MME: variants seen among roughly 807,000 people sequenced by gnomAD.
MME encodes neprilysin.
Under a neutral mutation model 113.2 loss-of-function variants are expected in MME, and 98 were observed. The ratio of observed to expected loss-of-function variants is 0.87; its 90% CI spans 0.74 to 1.02. The LOEUF is 1.02. MME is among the 50% of genes least tolerant of loss of function. MME has a pLI of 0.00. For synonymous variants in MME, 292 were observed against 300.6 expected (o/e 0.97, Z 0.30); for missense variants, 836 against 896.0 (o/e 0.93, Z 0.86).
At chr3:155,170,077 A>G (rs1407927161) in intron 20 of MME, among the ~76,000 whole-genome samples, 1 of 152,100 alleles carries the variant, frequency 6.6e-6, no homozygotes. Context: ...ATGGAGTCTC[A>G]TTCTGTCGCC....
At chr3:155,081,743 T>A (rs189019121) in intron 1 of MME, 1 of 152,250 alleles carries the variant, frequency 6.6e-6, no homozygotes, top group Non-Finnish European at 1.5e-5. Context: ...AGATTCCAGA[T>A]ACTGTCCCCT....
At chr3:155,133,924 A>G (rs529653783) in intron 8 of MME, among the ~76,000 whole-genome samples, 3 of 151,048 alleles carry the variant, frequency 2.0e-5, no homozygotes, top group African/African-American at 4.9e-5. Context: ...ATTGATTTAT[A>G]TGCTTTGGGA....
intron 10 of MME, among the ~76,000 whole-genome samples, 173 bp from the exon 11 acceptor site, chr3:155,141,818 C>T (rs1721111410): frequency 6.6e-6 from 1 of 152,028 alleles, no homozygotes; most frequent in Non-Finnish European, 1.5e-5. Flanking sequence ...CTTAATTATG[C>T]TAGGTAAATA....
chr3:155,060,562 A>G (rs1478060236), intron 1 of MME, among the ~76,000 whole-genome samples: 1 of 152,056 alleles, frequency 6.6e-6, no homozygotes, highest in Non-Finnish European at 1.5e-5. Flanking sequence ...TGATGATACC[A>G]AGAAGGAGCA....
intron 1 of MME, among the ~76,000 whole-genome samples, chr3:155,070,544 G>A (rs1714517268): frequency 6.6e-6 from 1 of 151,994 alleles, no homozygotes; most frequent in African/African-American, 2.4e-5. Context: ...AGAATGATGG[G>A]GTTCAAGATA....
chr3:155,091,768 G>A (rs1436143162), intron 3 of MME, among the ~76,000 whole-genome samples: 1 of 152,170 alleles, frequency 6.6e-6, no homozygotes, highest in Non-Finnish European at 1.5e-5. Flanking sequence ...ACCATAAGGA[G>A]AATGTTGCAC....
chr3:155,059,164 A>C (rs1444017044), intron 1 of MME, among the ~76,000 whole-genome samples: 2 of 149,642 alleles, frequency 1.3e-5, no homozygotes, highest in African/African-American at 4.9e-5. Context: ...CTGAGGCTGG[A>C]GAATCGCTTG....
chr3:155,044,117 TC>T (rs1457112704), intron 1 of MME, among the ~76,000 whole-genome samples: 2 of 148,176 alleles, frequency 1.3e-5, no homozygotes, highest in African/African-American at 4.9e-5. Flanking sequence ...AATATTTTCT[TC>T]CTTTTTCTTT....
intron 22 of MME, among the ~76,000 whole-genome samples, chr3:155,179,725 C>CTGTGT (rs1712894904): frequency 6.6e-6 from 1 of 152,188 alleles, no homozygotes; most frequent in African/African-American, 2.4e-5. Context: ...GTGAGTTGGA[C>CTGTGT]TGTGTTGTTT....
At position 155,182,671 on chromosome 3, in the gene MME, G is replaced by C. The variant is rs1713211508; in HGVS notation, c.*2212G>C. On this transcript the variant is annotated 3_prime_UTR_variant, in exon 23 of 23. Transcript: ENST00000360490. ...GCAGGTGAAGAGCCAGAAGTGAAGA[G>C]TGACTAGTACAAATTATAAAAAGCC... The C allele has an allele frequency of 6.6e-6, 1 of 152,198 alleles. No homozygotes were observed. Among genetic ancestry groups the C allele is most frequent in the African/African-American group, 2.4e-5 (1 of 41,462 alleles). The allele number at this position is 152,198 out of a possible 1,614,324, so 9.4% of individuals were successfully genotyped here.
At chr3:155,145,382 C>G (rs1389137572) in intron 14 of MME, among the ~76,000 whole-genome samples, 1 of 152,112 alleles carries the variant, frequency 6.6e-6, no homozygotes, top group African/African-American at 2.4e-5. Context: ...TGTAGGAAGG[C>G]TTCCCTCATC....
intron 1 of MME, among the ~76,000 whole-genome samples, chr3:155,063,207 TATA>T (rs994262104): frequency 4.0e-5 from 5 of 124,592 alleles, no homozygotes; most frequent in Non-Finnish European, 6.3e-5. Flanking sequence ...TTATATATTA[TATA>T]ATAATATACA....
chr3:155,072,589 GGTTT>G (rs1714618521), intron 1 of MME, among the ~76,000 whole-genome samples: 1 of 152,094 alleles, frequency 6.6e-6, no homozygotes, highest in Non-Finnish European at 1.5e-5. Flanking sequence ...TTGGTTTGTT[GGTTT>G]GTTTAGGGCA....
intron 1 of MME, among the ~76,000 whole-genome samples, chr3:155,045,036 A>G (rs769485040): frequency 1.1e-4 from 16 of 152,098 alleles, no homozygotes; most frequent in South Asian, 2.1e-4. Flanking sequence ...GATACTTTAA[A>G]TCGGGTTGGA....
intron 10 of MME, among the ~76,000 whole-genome samples, chr3:155,140,890 C>T (rs1721034596): frequency 6.6e-6 from 1 of 152,194 alleles, no homozygotes; most frequent in Admixed American, 6.5e-5. Context: ...ATTCATAGAA[C>T]TTCCCGTGTT....
intron 8 of MME, among the ~76,000 whole-genome samples, chr3:155,123,000 C>T (rs1283451139): frequency 2.5e-5 from 1 of 40,560 alleles, no homozygotes; most frequent in African/African-American, 8.5e-5. Flanking sequence ...GTTGATGTGT[C>T]TAATGTTGAC....
chr3:155,091,746 G>A (rs912273329), intron 3 of MME, among the ~76,000 whole-genome samples: 6 of 152,066 alleles, frequency 3.9e-5, no homozygotes, highest in African/African-American at 9.7e-5. Flanking sequence ...TGAAAAATAC[G>A]CAATTTAAAA....
intron 1 of MME, among the ~76,000 whole-genome samples, chr3:155,028,119 T>G (rs1712848748): frequency 6.6e-6 from 1 of 152,180 alleles, no homozygotes; most frequent in Non-Finnish European, 1.5e-5. Context: ...TGATGCCTAT[T>G]ATCATGCACC....
At chr3:155,092,268 T>G (rs1180582422) in intron 3 of MME, among the ~76,000 whole-genome samples, 1 of 152,190 alleles carries the variant, frequency 6.6e-6, no homozygotes, top group African/African-American at 2.4e-5. Context: ...TGGATATCTC[T>G]TAACCTGGTC....
Sources: gnomAD v4.1 joint callset for allele counts (sites outside exome capture counted in the v4.1 genomes callset) on GRCh38, gnomAD v4.1.1 for gene constraint, MANE v1.5 for transcripts, NCBI Gene and HGNC (gene_info 2026-07-23, HGNC 2026-07-21) for gene names.